Variants in RORB observed in about 807,000 individuals in gnomAD.
RORB encodes nuclear receptor ROR-beta.
RORB carries 6 observed loss-of-function variants against 59.1 expected under a neutral mutation model. The ratio of observed to expected loss-of-function variants is 0.10; its 90% CI spans 0.06 to 0.20. The LOEUF (loss-of-function observed/expected upper bound fraction) is 0.20. Among genes scored for constraint, RORB ranks in the 10% least tolerant of loss-of-function variants. The pLI is 1.00. For missense variants in RORB, 320 were observed against 560.5 expected (o/e 0.57, Z 4.33); for synonymous variants, 215 against 204.5 (o/e 1.05, Z -0.44).
chr9:74,619,144 T>C (rs10869429), intron 1 of RORB, among the ~76,000 whole-genome samples: 68,435 of 151,888 alleles, frequency 0.45, 15,992 homozygotes, highest in East Asian at 0.77. Context: ...TTTGTTCTTG[T>C]TATTAGATTT....
chr9:74,594,220 C>T (rs1024307595), intron 1 of RORB, among the ~76,000 whole-genome samples: 1 of 152,126 alleles, frequency 6.6e-6, no homozygotes, highest in Non-Finnish European at 1.5e-5. Context: ...ATCCATATGC[C>T]TTTTGCACGA....
intron 1 of RORB, among the ~76,000 whole-genome samples, chr9:74,554,534 C>A (rs1444563706): frequency 3.3e-5 from 5 of 151,264 alleles, no homozygotes; most frequent in African/African-American, 1.2e-4. Context: ...GAGTGTAGAA[C>A]AACCCAAAGT....
At chr9:74,656,335 G>A (rs915311185) in intron 4 of RORB, among the ~76,000 whole-genome samples, 6 of 152,090 alleles carry the variant, frequency 3.9e-5, no homozygotes, top group Non-Finnish European at 8.8e-5. Flanking sequence ...TTATGACCTA[G>A]TTCAGACCTT....
At chr9:74,666,441 A>G (rs1038019896) in intron 7 of RORB, among the ~76,000 whole-genome samples, 2 of 151,612 alleles carry the variant, frequency 1.3e-5, no homozygotes, top group Non-Finnish European at 2.9e-5. Context: ...AGCCTGGGTG[A>G]CAAAGCGAGA....
At chr9:74,586,901 C>T (rs749596571) in intron 1 of RORB, among the ~76,000 whole-genome samples, 7 of 152,068 alleles carry the variant, frequency 4.6e-5, no homozygotes, top group Non-Finnish European at 8.8e-5. Flanking sequence ...AATGTAGATG[C>T]ATTGTTCAGT....
intron 1 of RORB, among the ~76,000 whole-genome samples, chr9:74,578,261 A>G (rs948560462): frequency 6.6e-6 from 1 of 152,178 alleles, no homozygotes. Flanking sequence ...TGATAAAAAC[A>G]GGGGTCTAGA....
chr9:74,635,800 A>G (rs1823691637), intron 3 of RORB, among the ~76,000 whole-genome samples: 1 of 152,184 alleles, frequency 6.6e-6, no homozygotes, highest in Non-Finnish European at 1.5e-5. Context: ...GACACACACA[A>G]AACAAGAAAC....
intron 1 of RORB, among the ~76,000 whole-genome samples, chr9:74,629,296 G>A (rs1401349533): frequency 7.3e-5 from 11 of 151,078 alleles, no homozygotes; most frequent in Non-Finnish European, 1.6e-4. Context: ...GAGTTACTTT[G>A]ATCGTTTCTT....
Position 74,572,955 on chromosome 9 carries a change from A to G in RORB, c.8-57327A>G, listed in dbSNP as rs560480599. 7.9e-5 allele frequency among the ~76,000 whole-genome samples: 12 copies of G among 152,276 alleles called. No individual in the cohort carries two copies. The East Asian group carries it at 2.3e-3, about 29-fold the overall frequency. ...AATTGTAGCTGAATTTGAGACGGTA[A>G]TTTTCACTCTTCAGAATCTTTTAAT... On this transcript the variant is annotated intron_variant, in intron 1 of 9. Transcript: ENST00000376896.
chr9:74,562,482 C>A (rs1822409368), intron 1 of RORB, among the ~76,000 whole-genome samples: 1 of 152,122 alleles, frequency 6.6e-6, no homozygotes. Context: ...TCATCTGAGA[C>A]CAGAGGTGGA....
At chr9:74,632,348 G>GA (rs1261087061) in intron 2 of RORB, among the ~76,000 whole-genome samples, 3 of 151,900 alleles carry the variant, frequency 2.0e-5, no homozygotes, top group East Asian at 1.9e-4. Flanking sequence ...TAAATTCATG[G>GA]AAAAAACCCA....
intron 1 of RORB, among the ~76,000 whole-genome samples, chr9:74,555,192 T>C (rs1042386929): frequency 6.6e-6 from 1 of 152,216 alleles, no homozygotes; most frequent in Non-Finnish European, 1.5e-5. Context: ...AGATCTGGCA[T>C]GCGGTTTGTT....
At chr9:74,552,357 A>G (rs1364967672) in intron 1 of RORB, among the ~76,000 whole-genome samples, 1 of 152,148 alleles carries the variant, frequency 6.6e-6, no homozygotes, top group Non-Finnish European at 1.5e-5. Context: ...GAAAACAGAC[A>G]ACCTGAGTTT....
chr9:74,607,781 T>C (rs562413552), intron 1 of RORB, among the ~76,000 whole-genome samples: 1 of 152,294 alleles, frequency 6.6e-6, no homozygotes, highest in Non-Finnish European at 1.5e-5. Context: ...GTATCATTGG[T>C]AGTCATCTTG....
chr9:74,602,554 G>A (rs960922567), intron 1 of RORB, among the ~76,000 whole-genome samples: 1 of 152,146 alleles, frequency 6.6e-6, no homozygotes, highest in Middle Eastern at 3.2e-3. Context: ...GTGACGATCC[G>A]TCCTTGGCAG....
Position 74,691,823 on chromosome 9 carries a change from A to G in RORB, c.*6205A>G, listed in dbSNP as rs1227866696. 2 of 152,166 alleles carry G rather than the reference A, an allele frequency of 1.3e-5. No individual in the cohort carries two copies. The highest frequency in any genetic ancestry group is 4.8e-5 in the African/African-American group (2 of 41,452). 9.4% of individuals were successfully genotyped at this position (152,166 alleles called of 1,614,324 possible). A position where few individuals can be genotyped will look rare whatever the true frequency, so the allele number is the denominator to read the frequency against. On this transcript the variant is annotated 3_prime_UTR_variant, in exon 10 of 10. Transcript: ENST00000376896. The stretch of plus-strand genomic sequence containing the variant: ...TTGACGGGTCATTGGTGTTAAGTGT[A>G]TGCTTCTTTTTGTAATATGACTGAG...
At chr9:74,675,684 G>T (rs1824425845) in intron 9 of RORB, among the ~76,000 whole-genome samples, 1 of 152,218 alleles carries the variant, frequency 6.6e-6, no homozygotes. Context: ...CAGCTTCAAA[G>T]CTGCAAAGCA....
chr9:74,591,300 A>G (rs931132422), intron 1 of RORB, among the ~76,000 whole-genome samples: 19 of 152,218 alleles, frequency 1.2e-4, no homozygotes, highest in African/African-American at 4.3e-4. Context: ...AATTGGGACC[A>G]TGATATCCTA....
chr9:74,634,660 T>C lies in RORB; in HGVS notation c.123T>C (p.Asn41=), dbSNP rs1823673568. ...TCTTTAGGAGGAGCCAGCAGAACAA[T>C]GCTTCTTATTCCTGCCCAAGGCAGA... is the stretch of plus-strand genomic sequence containing the variant. ...KGFFRRSQQN[N]ASYSCPRQRN... is the part of the protein sequence containing the mutation. Residue 41 remains asparagine (N), a synonymous_variant, in exon 3 of 10, where the codon AAT becomes AAC. Coordinates refer to ENST00000376896, the MANE Select transcript of RORB (RefSeq NM_006914.4). The C allele has an allele frequency of 3.1e-6, 5 of 1,612,950 alleles. No homozygotes were observed. Among genetic ancestry groups the C allele is most frequent in the Non-Finnish European group, 4.2e-6 (5 of 1,179,440 alleles).
Sources: gnomAD v4.1 joint callset for allele counts (sites outside exome capture counted in the v4.1 genomes callset) on GRCh38, gnomAD v4.1.1 for gene constraint, MANE v1.5 for transcripts, NCBI Gene and HGNC (gene_info 2026-07-23, HGNC 2026-07-21) for gene names.